The following TRPM7 variants were observed in gnomAD, a reference collection of about 807,000 sequenced individuals.
TRPM7 encodes the protein transient receptor potential cation channel subfamily M member 7, also known as LTRPC ion channel family member 7.
Under a neutral mutation model 229.7 loss-of-function variants are expected in TRPM7, and 134 were observed. The ratio of observed to expected loss-of-function variants is 0.58; its 90% CI spans 0.51 to 0.67. The LOEUF (loss-of-function observed/expected upper bound fraction) is 0.67. Ranked by LOEUF, TRPM7 falls within the 30% of genes least tolerant of loss-of-function variation. The probability of loss-of-function intolerance (pLI) is 0.00; values close to 1 mark genes in which losing one functional copy is unlikely to be tolerated. For missense variants in TRPM7, 1,901 were observed against 2,210.0 expected, an observed-to-expected ratio of 0.86 and a Z score of 2.80; for synonymous variants, 699 against 715.2, an observed-to-expected ratio of 0.98 and a Z score of 0.36.
In TRPM7 at chr15:50,624,278, A is replaced by T; in HGVS notation, c.1328T>A (p.Met443Lys). ...TCTATCCATTACAAGAGCATCAAGC[A>T]TAGCTTGTTCCAAGGATCCAACCTA... Reference protein sequence around the residue: ...QWLVGSLEQAMLDALVMDRVA... With the variant: ...QWLVGSLEQAKLDALVMDRVA... Residue 443 changes from methionine (M) to lysine (K), a missense_variant, in exon 12 of 39, where the codon ATG becomes AAG. Met to Lys is a moderately conservative substitution (Grantham distance 95, BLOSUM62 -1). This residue lies in a region of TRPM7 where 794 missense variants were observed against 881.9 expected (regional missense o/e 0.90). Transcript: ENST00000646667. 6.2e-7 allele frequency: 1 copy of T among 1,608,598 alleles called. No homozygotes were observed. The highest frequency in any genetic ancestry group is 8.5e-7 in the Non-Finnish European group (1 of 1,178,034).
chr15:50,611,618 C>T (rs1453643103), intron 16 of TRPM7, among the ~76,000 whole-genome samples: 1 of 152,164 alleles, frequency 6.6e-6, no homozygotes, highest in African/African-American at 2.4e-5. Flanking sequence ...TGCTACAATG[C>T]TCTGTTCAAA....
chr15:50,613,808 G>C lies in TRPM7; in HGVS notation c.1669C>G (p.Gln557Glu). The change falls in exon 15 of 39, where the codon CAG becomes GAG. Residue 557 changes from glutamine to glutamate, a missense_variant. Gln to Glu is a conservative substitution (Grantham distance 29, BLOSUM62 2). This residue lies in a region of TRPM7 where 794 missense variants were observed against 881.9 expected (regional missense o/e 0.90). Transcript: ENST00000646667. Reference protein sequence around the residue: ...SGRNTSSSTPQLRKSHESFGN... With the variant: ...SGRNTSSSTPELRKSHESFGN... Reference sequence around the variant, plus strand: ...AAAGATTCATGACTCTTTCGCAACTGAGGAGTGCTGCTGGAGGTATTTCGG... The same window carrying C: ...AAAGATTCATGACTCTTTCGCAACTCAGGAGTGCTGCTGGAGGTATTTCGG... 6.2e-7 allele frequency: 1 copy of C among 1,613,588 alleles called. No homozygotes were observed. The highest frequency in any genetic ancestry group is 1.1e-5 in the South Asian group (1 of 90,914).
intron 1 of TRPM7, among the ~76,000 whole-genome samples, chr15:50,685,804 C>T (rs4775900): frequency 0.58 from 88,567 of 152,008 alleles, 26,104 homozygotes; most frequent in African/African-American, 0.66. Context: ...CCGCACCTTT[C>T]GGTTTAAAAC....
At chr15:50,678,881 A>T (rs2062164032) in intron 1 of TRPM7, among the ~76,000 whole-genome samples, 1 of 152,098 alleles carries the variant, frequency 6.6e-6, no homozygotes, top group Admixed American at 6.6e-5. Flanking sequence ...AACAAAAAAA[A>T]AAATTTTTTT....
At position 50,631,635 on chromosome 15, in the gene TRPM7, T is replaced by C; in HGVS notation, c.1132-146A>G. The C allele has an allele frequency of 9.2e-6, 4 of 434,362 alleles. No homozygotes were observed. The South Asian group carries it at 3.2e-4, about 35-fold the overall frequency. 26.9% of individuals were successfully genotyped at this position (434,362 alleles called of 1,614,324 possible). A position where few individuals can be genotyped will look rare whatever the true frequency, so the allele number is the denominator to read the frequency against. On this transcript the variant is annotated intron_variant, in intron 9 of 38. Transcript: ENST00000646667. Reference sequence around the variant, plus strand: ...TGTATTATGTATATATAAACATACATACACATAATATATTTATGTATATAG... The same window carrying C: ...TGTATTATGTATATATAAACATACACACACATAATATATTTATGTATATAG...
chr15:50,685,085 A>G (rs1228440030), intron 1 of TRPM7, among the ~76,000 whole-genome samples: 1 of 152,266 alleles, frequency 6.6e-6, no homozygotes, highest in Non-Finnish European at 1.5e-5. Flanking sequence ...GATAGAAGAA[A>G]TAAAATTCAC....
rs1158022690 is a variant in TRPM7, at chr15:50,589,643, GCTAT to G, written c.4334_4337del (p.Asp1445AlafsTer14). 6.3e-7 allele frequency: 1 copy of G among 1,593,400 alleles called. No homozygotes were observed. Among genetic ancestry groups the G allele is most frequent in the Non-Finnish European group, 8.6e-7 (1 of 1,168,252 alleles). ...TTTCTTTAAACCTCTGTAAATCCAT[GCTAT>G]CTCTGTGTCCTTTAATAGAAAAAAA... On this transcript the variant is annotated frameshift_variant, in exon 27 of 39. Coordinates refer to ENST00000646667, the MANE Select transcript of TRPM7 (RefSeq NM_017672.6). LOFTEE classifies it high-confidence loss of function.
chr15:50,585,582 T>A (rs1478806077), intron 28 of TRPM7, among the ~76,000 whole-genome samples: 1 of 152,234 alleles, frequency 6.6e-6, no homozygotes, highest in African/African-American at 2.4e-5. Flanking sequence ...TTTTTCTCCT[T>A]TAATCTGCTA....
intron 3 of TRPM7, among the ~76,000 whole-genome samples, chr15:50,655,419 C>G (rs1217803628): frequency 7.3e-6 from 1 of 136,234 alleles, no homozygotes; most frequent in Admixed American, 8.0e-5. Context: ...GACAACAGAC[C>G]AAGACTCCAT....
At chr15:50,612,411 T>A (rs151314739) in intron 16 of TRPM7, 138 bp downstream of exon 16, 2 of 574,296 alleles carry the variant, frequency 3.5e-6, no homozygotes, top group East Asian at 6.7e-5. Context: ...TATATACTTA[T>A]ATAATTTTCT....
chr15:50,622,011 C>G (rs548172162), intron 12 of TRPM7, among the ~76,000 whole-genome samples: 4 of 151,076 alleles, frequency 2.6e-5, no homozygotes, highest in African/African-American at 7.3e-5. Flanking sequence ...GCCTGGATGA[C>G]AAGAGCAAAA....
At chr15:50,681,234 G>A (rs539561726) in intron 1 of TRPM7, among the ~76,000 whole-genome samples, 2 of 145,108 alleles carry the variant, frequency 1.4e-5, no homozygotes, top group East Asian at 3.9e-4. Context: ...CTGGATGACC[G>A]AGCAAGACTT....
rs139687909 is a variant in TRPM7 at position 50,673,288 on chromosome 15, T to C, written c.4-10242A>G. Among the ~76,000 whole-genome samples the C allele has an allele frequency of 3.9e-3, 590 of 152,244 alleles. 4 individuals carry two copies. The highest frequency in any genetic ancestry group is 0.02 in the Middle Eastern group (6 of 294). On this transcript the variant is annotated intron_variant, in intron 1 of 38. Transcript: ENST00000646667. ...TTTTATTGTTTTTTACTTATTTCCA[T>C]AGGTTATTGGAAACAGGTAGTGTTT...
At chr15:50,643,280 T>C in intron 5 of TRPM7, 60 bp downstream of exon 5, 1 of 1,382,434 alleles carries the variant, frequency 7.2e-7, no homozygotes, top group South Asian at 1.2e-5. Context: ...AGAGTGAGAG[T>C]CCGTCTCAAA....
At chr15:50,602,570 T>C (rs2059809381) in intron 21 of TRPM7, among the ~76,000 whole-genome samples, 1 of 152,208 alleles carries the variant, frequency 6.6e-6, no homozygotes, top group Admixed American at 6.5e-5. Flanking sequence ...AGCTCTTCTA[T>C]CTTCACGTAA....
Position 50,686,544 on chromosome 15 carries a change from G to A in TRPM7, c.-11C>T. ...TGGGTCCAGTACCATTCTCCTCACG[G>A]GGCGGACTCCGGAAGGGCAGCAACT... On this transcript the variant is annotated 5_prime_UTR_variant, in exon 1 of 39. Transcript: ENST00000646667. 1 of 1,610,352 alleles carries A rather than the reference G, an allele frequency of 6.2e-7. No homozygotes were observed. The highest frequency in any genetic ancestry group is 8.5e-7 in the Non-Finnish European group (1 of 1,177,994).
intron 6 of TRPM7, among the ~76,000 whole-genome samples, chr15:50,638,232 G>T (rs1254654154): frequency 6.6e-6 from 1 of 150,804 alleles, no homozygotes; most frequent in Non-Finnish European, 1.5e-5. Context: ...GGTAGCGGGC[G>T]CCTGTAGTCC....
chr15:50,667,393 T>C (rs1390826819), intron 1 of TRPM7, among the ~76,000 whole-genome samples: 1 of 152,140 alleles, frequency 6.6e-6, no homozygotes, highest in Non-Finnish European at 1.5e-5. Flanking sequence ...TGAAAGAGCT[T>C]TGATTAACTG....
At chr15:50,605,435 G>A (rs1227082840) in intron 20 of TRPM7, among the ~76,000 whole-genome samples, 1 of 152,108 alleles carries the variant, frequency 6.6e-6, no homozygotes, top group Non-Finnish European at 1.5e-5. Context: ...TTGAAAAATT[G>A]TTTTATTTCA....
Sources: allele counts gnomAD v4.1 joint callset (sites outside exome capture counted in the v4.1 genomes callset), GRCh38; gene constraint gnomAD v4.1.1; regional missense constraint gnomAD v4.1.1; transcripts MANE v1.5; gene names NCBI Gene and HGNC (gene_info 2026-07-23, HGNC 2026-07-21).